The following LARGE1 variants were observed in gnomAD, a reference collection of about 807,000 sequenced individuals.
LARGE1 encodes the protein LARGE xylosyl- and glucuronyltransferase 1.
LARGE1 carries 43 observed loss-of-function variants against 87.6 expected under a neutral mutation model. The ratio of observed to expected loss-of-function variants is 0.49; its 90% confidence interval spans 0.38 to 0.63. The LOEUF (loss-of-function observed/expected upper bound fraction) is 0.63. LARGE1 is among the 30% of genes least tolerant of loss of function. The probability of loss-of-function intolerance (pLI) is 0.00; values close to 1 mark genes in which losing one functional copy is unlikely to be tolerated. For missense variants in LARGE1, 802 were observed against 1,000.2 expected, an observed-to-expected ratio of 0.80 and a Z score of 2.67; for synonymous variants, 434 against 394.6, an observed-to-expected ratio of 1.10 and a Z score of -1.18.
At chr22:33,210,230 C>T (rs1482874575) in intron 11 of LARGE1, among the ~76,000 whole-genome samples, 6 of 152,372 alleles carry the variant, frequency 3.9e-5, no homozygotes, top group African/African-American at 1.2e-4. Flanking sequence ...GCCGCCCTCC[C>T]GGCCTCCACA....
chr22:33,709,701 C>T (rs1423534720), intron 2 of LARGE1, among the ~76,000 whole-genome samples: 2 of 151,392 alleles, frequency 1.3e-5, no homozygotes, highest in Non-Finnish European at 2.9e-5. Context: ...TCTCAGCTCA[C>T]TGCAAGCTCC....
intron 1 of LARGE1, among the ~76,000 whole-genome samples, chr22:33,892,811 T>C (rs1286495938): frequency 6.6e-6 from 1 of 152,264 alleles, no homozygotes. Context: ...AAAATGTGTA[T>C]GTTCACAGTG....
At chr22:33,118,322 A>G in the LARGE1 span, among the ~76,000 whole-genome samples, 1 of 151,648 alleles carries the variant, frequency 6.6e-6, no homozygotes, top group Non-Finnish European at 1.5e-5. Context: ...ATCTCTACAA[A>G]ATAAAAATAA....
rs148382413 is a variant in LARGE1, at chr22:33,660,266, G to A, written c.107-9598C>T. On this transcript the variant is annotated intron_variant, in intron 2 of 14. Coordinates refer to ENST00000397394, the MANE Select transcript of LARGE1 (RefSeq NM_133642.5). Reference sequence around the variant, plus strand: ...GGGCTTTGTTAGTAGCATTCAAATCGTCACCAACCAAGGCCAAAAAAGATA... The same window carrying A: ...GGGCTTTGTTAGTAGCATTCAAATCATCACCAACCAAGGCCAAAAAAGATA... 1.4e-3 allele frequency among the ~76,000 whole-genome samples: 211 copies of A among 152,098 alleles called. 3 individuals carry two copies. Among genetic ancestry groups the A allele is most frequent in the African/African-American group, 4.5e-3 (188 of 41,488 alleles).
chr22:33,846,137 C>A (rs906946123), intron 1 of LARGE1, among the ~76,000 whole-genome samples: 1 of 152,198 alleles, frequency 6.6e-6, no homozygotes, highest in Non-Finnish European at 1.5e-5. Flanking sequence ...GATCTAGGGT[C>A]TTGAACAGAT....
intron 2 of LARGE1, chr22:33,732,550 A>T (rs1419947965): frequency 6.6e-6 from 1 of 152,398 alleles, no homozygotes; most frequent in Non-Finnish European, 1.5e-5. Flanking sequence ...CCTCCTCTCC[A>T]AACAGAAACT....
intron 5 of LARGE1, among the ~76,000 whole-genome samples, chr22:33,570,375 A>G (rs992135035): frequency 9.9e-5 from 15 of 152,174 alleles, no homozygotes; most frequent in African/African-American, 3.4e-4. Flanking sequence ...GTCAGGGGAA[A>G]TAAGTCACTT....
chr22:33,134,255 CTTTTTTT>C, the LARGE1 span, among the ~76,000 whole-genome samples: 1 of 124,364 alleles, frequency 8.0e-6, no homozygotes. Context: ...AAAGAACTCC[CTTTTTTT>C]TTTTTTTTTT....
In LARGE1 at chr22:33,659,717, ATCT is replaced by A. The variant is rs1189398937; in HGVS notation, c.107-9052_107-9050del. Among the ~76,000 whole-genome samples, 5 of 141,492 alleles carry A rather than the reference ATCT, an allele frequency of 3.5e-5. No individual in the cohort carries two copies. In the East Asian group the frequency reaches 1.1e-3, roughly 30 times the overall value. 92.8% of individuals were successfully genotyped at this position (141,492 alleles called of 152,430 possible). A position where few individuals can be genotyped will look rare whatever the true frequency, so the allele number is the denominator to read the frequency against. On this transcript the variant is annotated intron_variant, in intron 2 of 14. Transcript: ENST00000397394. ...GTTCCAGCAAAGGCCCTGGAGACAG[ATCT>A]TCTGACAAAGATGGAAGAACAGTTA... is the stretch of plus-strand genomic sequence containing the variant.
chr22:33,130,313 C>CAAA, the LARGE1 span, among the ~76,000 whole-genome samples: 1,228 of 56,930 alleles, frequency 0.022, 76 homozygotes, highest in Non-Finnish European at 0.027. Flanking sequence ...GATTCCGTCT[C>CAAA]AAAAAAAAAA....
At chr22:33,361,376 T>A (rs2064381362) in intron 9 of LARGE1, among the ~76,000 whole-genome samples, 1 of 149,610 alleles carries the variant, frequency 6.7e-6, no homozygotes, top group Admixed American at 6.6e-5. Flanking sequence ...TCCTGTTGAT[T>A]CCAGAAAGAG....
In LARGE1 at chr22:33,833,897, G is replaced by A. The variant is rs376380523; in HGVS notation, c.-82-72339C>T. On this transcript the variant is annotated intron_variant, in intron 1 of 14. Coordinates refer to ENST00000397394, the MANE Select transcript of LARGE1 (RefSeq NM_133642.5). The stretch of plus-strand genomic sequence containing the variant: ...AGACGAGGTTTCACTATGTTGGTCC[G>A]GCTGGTCTCGAACTCCTGACCTCAG... 2.4e-4 allele frequency among the ~76,000 whole-genome samples: 36 copies of A among 152,088 alleles called. No homozygotes were observed. In the East Asian group the frequency reaches 4.3e-3, roughly 18 times the overall value.
chr22:33,677,801 T>C (rs1481688724), intron 2 of LARGE1, among the ~76,000 whole-genome samples: 1 of 152,210 alleles, frequency 6.6e-6, no homozygotes, highest in Non-Finnish European at 1.5e-5. Flanking sequence ...TCCAAATTCT[T>C]GAGACCCGAT....
intron 11 of LARGE1, among the ~76,000 whole-genome samples, chr22:33,184,904 A>T (rs1002338514): frequency 2.0e-5 from 3 of 152,192 alleles, no homozygotes; most frequent in African/African-American, 7.2e-5. Context: ...AACATTAACC[A>T]TATCGAATGC....
At chr22:33,369,314 T>C (rs1601607977) in intron 9 of LARGE1, among the ~76,000 whole-genome samples, 1 of 152,166 alleles carries the variant, frequency 6.6e-6, no homozygotes. Flanking sequence ...TGATAAGAAA[T>C]AGAATGGGAT....
intron 5 of LARGE1, among the ~76,000 whole-genome samples, chr22:33,585,106 G>A (rs1402625987): frequency 6.6e-6 from 1 of 152,204 alleles, no homozygotes; most frequent in Non-Finnish European, 1.5e-5. Context: ...GACACAGCAA[G>A]ACTTCGTCTC....
At chr22:33,309,521 G>A (rs571580636) in intron 11 of LARGE1, among the ~76,000 whole-genome samples, 5 of 152,260 alleles carry the variant, frequency 3.3e-5, no homozygotes, top group South Asian at 4.1e-4. Flanking sequence ...ACCACGTGAG[G>A]ACACAGTAAT....
chr22:33,451,752 T>C (rs1005152544), intron 6 of LARGE1, among the ~76,000 whole-genome samples: 20 of 151,892 alleles, frequency 1.3e-4, no homozygotes, highest in Admixed American at 2.0e-4. Flanking sequence ...AGAGACGGGG[T>C]TTCACCATGT....
intron 6 of LARGE1, among the ~76,000 whole-genome samples, chr22:33,466,234 T>TTC (rs1409925769): frequency 6.6e-6 from 1 of 152,156 alleles, no homozygotes; most frequent in Non-Finnish European, 1.5e-5. Flanking sequence ...CAGCTTGAAT[T>TTC]TCTCCTCCTT....
Sources: gnomAD v4.1 joint callset for allele counts (sites outside exome capture counted in the v4.1 genomes callset) on GRCh38, gnomAD v4.1.1 for gene constraint, MANE v1.5 for transcripts, NCBI Gene and HGNC (gene_info 2026-07-23, HGNC 2026-07-21) for gene names.